Variants in EPAS1 observed in about 807,000 individuals in gnomAD.
EPAS1 encodes the protein endothelial PAS domain protein 1.
EPAS1 carries 23 observed loss-of-function variants against 87.9 expected under a neutral mutation model. The observed-to-expected ratio is 0.26, with a 90% CI of 0.19 to 0.37. EPAS1 has a LOEUF of 0.37. EPAS1 is among the 10% of genes least tolerant of loss of function. The pLI is 1.00. For synonymous variants in EPAS1, 508 were observed against 444.3 expected (o/e 1.14, Z -1.80); for missense variants, 1,138 against 1,120.7 (o/e 1.02, Z -0.22).
chr2:46,327,066 A>C (rs1303937941), intron 1 of EPAS1, among the ~76,000 whole-genome samples: 1 of 152,222 alleles, frequency 6.6e-6, no homozygotes, highest in Non-Finnish European at 1.5e-5. Flanking sequence ...CAGCTTCAGG[A>C]CCAGCAGGGG....
chr2:46,379,483 T>C (rs1366949813), intron 11 of EPAS1, among the ~76,000 whole-genome samples: 1 of 152,176 alleles, frequency 6.6e-6, no homozygotes, highest in Non-Finnish European at 1.5e-5. Flanking sequence ...TCCTCAGCAC[T>C]CCTGTAGTAT....
At chr2:46,307,681 G>C (rs1271915377) in intron 1 of EPAS1, among the ~76,000 whole-genome samples, 1 of 152,074 alleles carries the variant, frequency 6.6e-6, no homozygotes, top group African/African-American at 2.4e-5. Context: ...TGACTCTCTG[G>C]AGTCTTCCAG....
chr2:46,373,237 A>G (rs1340883709), intron 7 of EPAS1, among the ~76,000 whole-genome samples: 1 of 152,256 alleles, frequency 6.6e-6, no homozygotes, highest in African/African-American at 2.4e-5. Context: ...GCAGCTTCTT[A>G]TAAACATATA....
intron 1 of EPAS1, among the ~76,000 whole-genome samples, chr2:46,334,535 C>G (rs1683750460): frequency 6.6e-6 from 1 of 152,160 alleles, no homozygotes. Flanking sequence ...TCTTCTCCAG[C>G]CTTGCAGGCT....
intron 2 of EPAS1, among the ~76,000 whole-genome samples, chr2:46,354,500 G>GT (rs1391649649): frequency 5.3e-5 from 8 of 151,290 alleles, no homozygotes; most frequent in Non-Finnish European, 7.4e-5. Flanking sequence ...GGCCTAAGAG[G>GT]TTTCTTTTGG....
chr2:46,366,721 A>C (rs1178084919), intron 6 of EPAS1, among the ~76,000 whole-genome samples: 1 of 152,222 alleles, frequency 6.6e-6, no homozygotes, highest in African/African-American at 2.4e-5. Flanking sequence ...TTAGAAAGAA[A>C]GAAAAAAAAA....
chr2:46,381,371 C>A (rs1335490166), intron 12 of EPAS1: 1 of 638,062 alleles, frequency 1.6e-6, no homozygotes, highest in Non-Finnish European at 2.7e-6. Flanking sequence ...GGCAGCCATC[C>A]CCCAGACCAG....
chr2:46,356,904 T>C (rs1441172537), intron 4 of EPAS1, 96 bp downstream of exon 4: 3 of 895,672 alleles, frequency 3.3e-6, no homozygotes, highest in Non-Finnish European at 5.6e-6. Context: ...TCATGGCCCT[T>C]GTGATGCAGG....
intron 1 of EPAS1, among the ~76,000 whole-genome samples, chr2:46,309,551 T>G (rs543742977): frequency 1.7e-4 from 26 of 152,234 alleles, no homozygotes; most frequent in African/African-American, 6.0e-4. Context: ...TAGTGGAGAT[T>G]AGAGGGAGGT....
intron 15 of EPAS1, among the ~76,000 whole-genome samples, chr2:46,383,665 G>C (rs775818215): frequency 5.3e-5 from 8 of 152,214 alleles, no homozygotes; most frequent in Non-Finnish European, 1.0e-4. Context: ...GAATTACCTT[G>C]AATATTGAAA....
At chr2:46,321,024 AAAT>A (rs1331415521) in intron 1 of EPAS1, among the ~76,000 whole-genome samples, 1 of 152,248 alleles carries the variant, frequency 6.6e-6, no homozygotes, top group African/African-American at 2.4e-5. Context: ...TGTACTCATT[AAAT>A]AATAACTCTT....
At chr2:46,373,766 T>C (rs1203443070) in intron 7 of EPAS1, among the ~76,000 whole-genome samples, 1 of 152,212 alleles carries the variant, frequency 6.6e-6, no homozygotes, top group Non-Finnish European at 1.5e-5. Flanking sequence ...TTATTGAAGG[T>C]AAATTTGACC....
intron 1 of EPAS1, among the ~76,000 whole-genome samples, chr2:46,322,984 T>C (rs1487089179): frequency 6.6e-6 from 1 of 152,206 alleles, no homozygotes; most frequent in African/African-American, 2.4e-5. Context: ...AATGGAGACA[T>C]TACCAAGGAA....
At chr2:46,354,242 G>A (rs926550471) in intron 2 of EPAS1, among the ~76,000 whole-genome samples, 1 of 152,156 alleles carries the variant, frequency 6.6e-6, no homozygotes, top group Non-Finnish European at 1.5e-5. Flanking sequence ...AAATTGAATT[G>A]CATTCTACAT....
rs1300946094 is a variant in EPAS1 at position 46,356,241 on chromosome 2, C to T, written c.308C>T (p.Thr103Ile). Reference protein sequence around the residue: ...KALEGFIAVVTQDGDMIFLSE... With the variant: ...KALEGFIAVVIQDGDMIFLSE... ...TTGGAGGGTTTCATTGCCGTGGTGA[C>T]CCAAGATGGCGACATGATCTTTCTG... Residue 103 changes from threonine to isoleucine, a missense_variant, in exon 3 of 16, where the codon ACC (threonine) becomes ATC (isoleucine). Thr to Ile is a moderately conservative substitution (Grantham distance 89). Transcript: ENST00000263734. 1 of 1,613,442 alleles carries T rather than the reference C, an allele frequency of 6.2e-7. No homozygotes were observed. The highest frequency in any genetic ancestry group is 1.7e-5 in the Admixed American group (1 of 59,924).
At chr2:46,358,874 G>T (rs548135631) in intron 4 of EPAS1, among the ~76,000 whole-genome samples, 1 of 152,340 alleles carries the variant, frequency 6.6e-6, no homozygotes, top group South Asian at 2.1e-4. Context: ...TGAAGGCCAG[G>T]TGGAGGGCCT....
chr2:46,384,736 C>A lies in EPAS1; in HGVS notation c.*76C>A. The A allele has an allele frequency of 6.4e-7, 1 of 1,552,108 alleles. No individual in the cohort carries two copies. The highest frequency in any genetic ancestry group is 1.2e-5 in the South Asian group (1 of 86,794). On this transcript the variant is annotated 3_prime_UTR_variant, in exon 16 of 16. Coordinates refer to ENST00000263734, the MANE Select transcript of EPAS1 (RefSeq NM_001430.5). ...TCACTCTCTCCGTCTGTTTTTGCAA[C>A]TAGGTATTTCTAACGCCAGCACACT...
At chr2:46,307,848 G>A (rs138255767) in intron 1 of EPAS1, among the ~76,000 whole-genome samples, 50 of 152,226 alleles carry the variant, frequency 3.3e-4, no homozygotes, top group African/African-American at 9.6e-4. Context: ...TCCTATCCTC[G>A]GAGCACAGAG....
chr2:46,322,992 G>A lies in EPAS1; in HGVS notation c.27-23881G>A, dbSNP rs756117405. 2.0e-5 allele frequency among the ~76,000 whole-genome samples: 3 copies of A among 152,158 alleles called. No individual in the cohort carries two copies. In the South Asian group the frequency reaches 6.2e-4, roughly 32 times the overall value. The stretch of plus-strand genomic sequence containing the variant: ...TTTCTAAAATGGAGACATTACCAAG[G>A]AATCAATCTATTAACAGCTGAAAAC... On this transcript the variant is annotated intron_variant, in intron 1 of 15. Transcript: ENST00000263734.
Sources: allele counts gnomAD v4.1 joint callset (sites outside exome capture counted in the v4.1 genomes callset), GRCh38; gene constraint gnomAD v4.1.1; transcripts MANE v1.5; gene names NCBI Gene and HGNC (gene_info 2026-07-23, HGNC 2026-07-21).